SIPA1L2: variants seen among roughly 807,000 people sequenced by gnomAD.
The protein encoded by SIPA1L2 is signal induced proliferation associated 1 like 2, also known as signal-induced proliferation-associated 1-like protein 2.
Under a neutral mutation model 163.9 loss-of-function variants are expected in SIPA1L2, and 56 were observed. The observed-to-expected ratio is 0.34, with a 90% CI of 0.28 to 0.43. The LOEUF (loss-of-function observed/expected upper bound fraction) is 0.43, where lower values mean the gene tolerates loss of function less well. Ranked by LOEUF, SIPA1L2 falls within the 20% of genes least tolerant of loss-of-function variation. The probability of loss-of-function intolerance (pLI) is 1.00; values close to 1 mark genes in which losing one functional copy is unlikely to be tolerated. For synonymous variants in SIPA1L2, 877 were observed against 865.7 expected, an observed-to-expected ratio of 1.01 and a Z score of -0.23; for missense variants, 1,974 against 2,193.5, an observed-to-expected ratio of 0.90 and a Z score of 2.00.
intron 1 of SIPA1L2, among the ~76,000 whole-genome samples, chr1:232,590,318 C>T (rs912823275): frequency 9.9e-5 from 15 of 152,212 alleles, no homozygotes; most frequent in African/African-American, 3.6e-4. Context: ...AGGTGTGTGT[C>T]ACCAATTGCG....
At chr1:232,573,434 C>T (rs762932239) in intron 2 of SIPA1L2, among the ~76,000 whole-genome samples, 14 of 152,180 alleles carry the variant, frequency 9.2e-5, no homozygotes, top group African/African-American at 3.4e-4. Flanking sequence ...TGTGTGGGTG[C>T]GTGCATGTGC....
chr1:232,540,017 A>C (rs1657548524), intron 2 of SIPA1L2, among the ~76,000 whole-genome samples: 2 of 152,172 alleles, frequency 1.3e-5, no homozygotes, highest in Admixed American at 1.3e-4. Context: ...AAAACTTCAA[A>C]TAAAGGCCGG....
Position 232,426,351 on chromosome 1 carries a change from T to C in SIPA1L2, c.4411-543A>G, listed in dbSNP as rs556277343. On this transcript the variant is annotated intron_variant, in intron 17 of 22. Coordinates refer to ENST00000674635, the MANE Select transcript of SIPA1L2 (RefSeq NM_020808.5). ...AAATCAGCAGCAGTCCAATAAAGTC[T>C]TACTGTCCACTTAAAAGTGTCACTT... Among the ~76,000 whole-genome samples, 4 of 152,306 alleles carry C rather than the reference T, an allele frequency of 2.6e-5. No individual in the cohort carries two copies. In the South Asian group the frequency reaches 8.3e-4, roughly 32 times the overall value.
At chr1:232,416,799 C>T (rs772519280) in intron 18 of SIPA1L2, among the ~76,000 whole-genome samples, 13 of 152,242 alleles carry the variant, frequency 8.5e-5, no homozygotes, top group Non-Finnish European at 1.5e-4. Flanking sequence ...AGAAACCACT[C>T]ACCCACCCTG....
chr1:232,425,064 G>A (rs1025051036), intron 18 of SIPA1L2, among the ~76,000 whole-genome samples: 1 of 152,108 alleles, frequency 6.6e-6, no homozygotes, highest in African/African-American at 2.4e-5. Context: ...GGACACAAGA[G>A]AACACACGTC....
intron 10 of SIPA1L2, among the ~76,000 whole-genome samples, chr1:232,454,288 A>G (rs1025882276): frequency 6.6e-5 from 10 of 152,240 alleles, no homozygotes; most frequent in African/African-American, 2.2e-4. Flanking sequence ...AAGGTCAGCA[A>G]TTGAAAAGGT....
At chr1:232,446,263 G>A (rs1663213222) in intron 10 of SIPA1L2, among the ~76,000 whole-genome samples, 1 of 152,138 alleles carries the variant, frequency 6.6e-6, no homozygotes, top group South Asian at 2.1e-4. Flanking sequence ...CCGGTAATTA[G>A]AAATCTAAAG....
chr1:232,445,620 C>T lies in SIPA1L2; in HGVS notation c.3262G>A (p.Asp1088Asn), dbSNP rs200293380. The part of the protein sequence containing the change: ...SRASPIPGTP[D>N]RLPCQQLLQQ... ...AGCAGCTGTTGGCACGGCAGCCGGT[C>T]GGGCGTGCCGGGGATGGGGGAAGCT... Residue 1088 changes from aspartate (D) to asparagine (N), a missense_variant, in exon 11 of 23, where the codon GAC becomes AAC. Physicochemically the swap from Asp to Asn is conservative, Grantham distance 23. This residue lies in a region of SIPA1L2 where 1,079 missense variants were observed against 1,150.7 expected (regional missense o/e 0.94). Coordinates refer to ENST00000674635, the MANE Select transcript of SIPA1L2 (RefSeq NM_020808.5). 5,594 of 1,613,886 alleles carry T rather than the reference C, an allele frequency of 3.5e-3. 18 individuals are homozygous for T. Among genetic ancestry groups the T allele is most frequent in the Non-Finnish European group, 4.0e-3 (4,743 of 1,179,978 alleles).
intron 15 of SIPA1L2, among the ~76,000 whole-genome samples, chr1:232,438,646 C>A (rs547420344): frequency 7.2e-5 from 11 of 152,230 alleles, no homozygotes; most frequent in Non-Finnish European, 1.5e-4. Context: ...TGATCTCAGG[C>A]CTCCCCTGCT....
intron 22 of SIPA1L2, among the ~76,000 whole-genome samples, chr1:232,401,265 T>A (rs945988179): frequency 6.6e-6 from 1 of 152,182 alleles, no homozygotes; most frequent in African/African-American, 2.4e-5. Context: ...AACTTCCACA[T>A]CCTAGAAAAC....
intron 19 of SIPA1L2, among the ~76,000 whole-genome samples, chr1:232,405,473 C>G (rs1660581871): frequency 6.6e-6 from 1 of 152,162 alleles, no homozygotes; most frequent in Non-Finnish European, 1.5e-5. Context: ...ATAGTTGGGG[C>G]CCTGCCAACT....
intron 1 of SIPA1L2, among the ~76,000 whole-genome samples, chr1:232,580,843 C>A (rs1660335024): frequency 6.6e-6 from 1 of 152,146 alleles, no homozygotes; most frequent in Non-Finnish European, 1.5e-5. Flanking sequence ...CAGTGAATAG[C>A]CATCTTGAAA....
chr1:232,438,771 G>A (rs1412830450), intron 15 of SIPA1L2, among the ~76,000 whole-genome samples: 1 of 152,302 alleles, frequency 6.6e-6, no homozygotes, highest in African/African-American at 2.4e-5. Flanking sequence ...CTGAAGATTA[G>A]TGAGTGCCAC....
chr1:232,406,520 A>T (rs1328238477), intron 19 of SIPA1L2, among the ~76,000 whole-genome samples: 2 of 152,294 alleles, frequency 1.3e-5, no homozygotes, highest in Non-Finnish European at 2.9e-5. Context: ...CCAAGATGGC[A>T]AAACAGATGA....
intron 5 of SIPA1L2, 75 bp downstream of exon 5, chr1:232,490,799 G>A: frequency 9.9e-6 from 14 of 1,411,868 alleles, no homozygotes; most frequent in Non-Finnish European, 1.3e-5. Flanking sequence ...CAAGAAAGAT[G>A]GATGGGAAAA....
chr1:232,627,045 CAGAA>C (rs1393289814), intron 1 of SIPA1L2, among the ~76,000 whole-genome samples: 1 of 150,194 alleles, frequency 6.7e-6, no homozygotes, highest in Non-Finnish European at 1.5e-5. Context: ...AAGTTCAAAA[CAGAA>C]AGAAAAAAAA....
chr1:232,430,527 G>A (rs1013529156), intron 16 of SIPA1L2, among the ~76,000 whole-genome samples: 1 of 152,170 alleles, frequency 6.6e-6, no homozygotes, highest in Non-Finnish European at 1.5e-5. Flanking sequence ...GTACTTGGCT[G>A]ACTGTTTTCT....
At chr1:232,606,734 A>G (rs1661942607) in intron 1 of SIPA1L2, among the ~76,000 whole-genome samples, 1 of 151,410 alleles carries the variant, frequency 6.6e-6, no homozygotes, top group Admixed American at 6.6e-5. Context: ...CTATGTAATA[A>G]GTTTAAATGA....
intron 2 of SIPA1L2, among the ~76,000 whole-genome samples, chr1:232,548,649 C>T (rs1483659411): frequency 2.6e-5 from 4 of 152,142 alleles, no homozygotes; most frequent in African/African-American, 7.2e-5. Flanking sequence ...AGATAACAAG[C>T]CCAGCACTGC....
Sources: allele counts gnomAD v4.1 joint callset (sites outside exome capture counted in the v4.1 genomes callset), GRCh38; gene constraint gnomAD v4.1.1; regional missense constraint gnomAD v4.1.1; transcripts MANE v1.5; gene names NCBI Gene and HGNC (gene_info 2026-07-23, HGNC 2026-07-21).